The following MTMR3 variants were observed in gnomAD, a reference collection of about 807,000 sequenced individuals.
The protein encoded by MTMR3 is phosphatidylinositol-3,5-bisphosphate 3-phosphatase MTMR3.
MTMR3 carries 32 observed loss-of-function variants against 132.4 expected under a neutral mutation model. That is an observed-to-expected ratio of 0.24 (90% CI 0.18 to 0.32). The LOEUF (loss-of-function observed/expected upper bound fraction) is 0.32, where lower values mean the gene tolerates loss of function less well. Ranked by LOEUF, MTMR3 falls within the 10% of genes least tolerant of loss-of-function variation. The pLI is 1.00. For missense variants in MTMR3, 1,216 were observed against 1,489.6 expected (o/e 0.82, Z 3.02); for synonymous variants, 556 against 550.3 (o/e 1.01, Z -0.14).
At chr22:29,939,660 A>G (rs911535608) in intron 1 of MTMR3, among the ~76,000 whole-genome samples, 15 of 151,790 alleles carry the variant, frequency 9.9e-5, no homozygotes, top group African/African-American at 2.7e-4. Context: ...ACTGTTTTAT[A>G]AAATAAGAAC....
intron 1 of MTMR3, among the ~76,000 whole-genome samples, chr22:29,923,613 T>C (rs897992401): frequency 3.9e-5 from 6 of 152,304 alleles, no homozygotes; most frequent in Non-Finnish European, 7.4e-5. Flanking sequence ...TAACAAAATA[T>C]CACACTCTGG....
At chr22:29,945,465 G>A (rs6006309) in intron 1 of MTMR3, among the ~76,000 whole-genome samples, 7,126 of 152,090 alleles carry the variant, frequency 0.047, 561 homozygotes, top group African/African-American at 0.16. Context: ...CACTTTGAGA[G>A]GCCAAGGTGG....
At chr22:30,023,043 G>A (rs1275725420) in intron 19 of MTMR3, 7 of 395,022 alleles carry the variant, frequency 1.8e-5, no homozygotes, top group Non-Finnish European at 3.3e-5. Flanking sequence ...GTTTTCCTGC[G>A]ATGGGGAGGG....
At chr22:29,977,728 C>T (rs2066657543) in intron 3 of MTMR3, among the ~76,000 whole-genome samples, 1 of 152,168 alleles carries the variant, frequency 6.6e-6, no homozygotes, top group East Asian at 1.9e-4. Context: ...CTTACTCTTG[C>T]CCCAGTTATT....
intron 1 of MTMR3, among the ~76,000 whole-genome samples, chr22:29,940,513 G>C (rs576368898): frequency 1.3e-5 from 2 of 150,062 alleles, no homozygotes; most frequent in African/African-American, 2.5e-5. Flanking sequence ...ACACGGATGC[G>C]TGTGACAATG....
At chr22:30,023,873 CT>C (rs34667478) in intron 19 of MTMR3, 76,434 of 177,230 alleles carry the variant, frequency 0.43, 14,046 homozygotes, top group Admixed American at 0.54. Context: ...TCTTTTTTCC[CT>C]TTTTTTTTTT....
intron 3 of MTMR3, among the ~76,000 whole-genome samples, chr22:29,975,524 A>T (rs1254181143): frequency 6.6e-6 from 1 of 152,236 alleles, no homozygotes; most frequent in Non-Finnish European, 1.5e-5. Context: ...AAAAGTAGTT[A>T]AAAAAAGGAA....
chr22:29,969,865 T>G (rs913610809), intron 2 of MTMR3, among the ~76,000 whole-genome samples: 1 of 152,154 alleles, frequency 6.6e-6, no homozygotes, highest in Non-Finnish European at 1.5e-5. Flanking sequence ...CTCCTACCAT[T>G]CCTCTGCTCA....
intron 18 of MTMR3, 88 bp from the exon 19 acceptor site, chr22:30,022,521 G>C: frequency 8.6e-7 from 1 of 1,162,540 alleles, no homozygotes; most frequent in Non-Finnish European, 1.3e-6. Flanking sequence ...TGTGGTCCTT[G>C]TGACTCTTGC....
At chr22:29,903,707 G>T (rs894393521) in intron 1 of MTMR3, among the ~76,000 whole-genome samples, 1 of 152,018 alleles carries the variant, frequency 6.6e-6, no homozygotes, top group Non-Finnish European at 1.5e-5. Context: ...CTTTTGTGTA[G>T]TATGGAATCT....
rs529548295 is a variant in MTMR3, at chr22:29,956,498, T to C, written c.-137-538T>C. On this transcript the variant is annotated intron_variant, in intron 1 of 19. Transcript: ENST00000401950. Reference sequence around the variant, plus strand: ...CTGACCTCAAGTGATCCGCCTGCCTTGGCCTCCCAAAGTGCTGGGATTACA... The same window carrying C: ...CTGACCTCAAGTGATCCGCCTGCCTCGGCCTCCCAAAGTGCTGGGATTACA... Among the ~76,000 whole-genome samples, 680 of 152,242 alleles carry C rather than the reference T, an allele frequency of 4.5e-3. 6 individuals carry two copies. The highest frequency in any genetic ancestry group is 0.015 in the African/African-American group (642 of 41,544).
At chr22:29,923,449 C>T (rs2065459159) in intron 1 of MTMR3, among the ~76,000 whole-genome samples, 1 of 150,608 alleles carries the variant, frequency 6.6e-6, no homozygotes. Context: ...AAGTGATCTG[C>T]CACCTTGGCC....
intron 1 of MTMR3, among the ~76,000 whole-genome samples, chr22:29,925,533 T>TA (rs2145778320): frequency 6.7e-6 from 1 of 150,334 alleles, no homozygotes; most frequent in South Asian, 2.1e-4. Context: ...GTAAAAATAA[T>TA]ACCTACCTTT....
At chr22:29,891,792 G>C (rs1170578887) in intron 1 of MTMR3, among the ~76,000 whole-genome samples, 4 of 152,026 alleles carry the variant, frequency 2.6e-5, no homozygotes, top group Non-Finnish European at 5.9e-5. Context: ...AGCATTTATA[G>C]ATGCTTGTTT....
chr22:29,966,945 A>G (rs964378151), intron 2 of MTMR3, among the ~76,000 whole-genome samples: 15 of 151,952 alleles, frequency 9.9e-5, no homozygotes, highest in African/African-American at 2.4e-4. Flanking sequence ...GTAGTCTTTT[A>G]TATGTTTCTT....
chr22:29,890,236 C>G (rs12160999), intron 1 of MTMR3, among the ~76,000 whole-genome samples: 152,170 of 152,170 alleles, frequency 1, 76,085 homozygotes, highest in Non-Finnish European at 1. Context: ...GGGTTTATTA[C>G]CTGGGCGTGG....
intron 12 of MTMR3, chr22:30,010,158 A>G (rs199724934): frequency 1.3e-5 from 2 of 152,264 alleles, no homozygotes; most frequent in East Asian, 3.9e-4. Context: ...TTTCTTCCCT[A>G]GGGTGGTATG....
intron 1 of MTMR3, among the ~76,000 whole-genome samples, chr22:29,907,034 G>A (rs1007314746): frequency 8.6e-5 from 13 of 151,834 alleles, no homozygotes; most frequent in Admixed American, 2.0e-4. Flanking sequence ...CTGAGATTGC[G>A]CCACTGCACT....
intron 2 of MTMR3, among the ~76,000 whole-genome samples, chr22:29,969,771 C>T (rs1312353449): frequency 6.6e-6 from 1 of 152,168 alleles, no homozygotes; most frequent in African/African-American, 2.4e-5. Flanking sequence ...ACCTCGTGAT[C>T]TGCCTGCCTT....
Sources: allele counts gnomAD v4.1 joint callset (sites outside exome capture counted in the v4.1 genomes callset), GRCh38; gene constraint gnomAD v4.1.1; transcripts MANE v1.5; gene names NCBI Gene and HGNC (gene_info 2026-07-23, HGNC 2026-07-21).